MPP7: variants seen among roughly 807,000 people sequenced by gnomAD.
The protein encoded by MPP7 is MAGUK p55 scaffold protein 7.
Under a neutral mutation model 76.5 loss-of-function variants are expected in MPP7, and 60 were observed. The ratio of observed to expected loss-of-function variants is 0.78; its 90% CI spans 0.64 to 0.97. The LOEUF (loss-of-function observed/expected upper bound fraction) is 0.97, where lower values mean the gene tolerates loss of function less well. Among genes scored for constraint, MPP7 ranks in the 50% least tolerant of loss-of-function variants. MPP7 has a pLI of 0.00. For missense variants in MPP7, 641 were observed against 694.0 expected (o/e 0.92, Z 0.86); for synonymous variants, 237 against 244.5 (o/e 0.97, Z 0.29).
chr10:28,316,144 T>G (rs1457531036), intron 2 of MPP7, among the ~76,000 whole-genome samples: 1 of 152,040 alleles, frequency 6.6e-6, no homozygotes, highest in Non-Finnish European at 1.5e-5. Flanking sequence ...ACATAAAAAC[T>G]GAGAAAATGT....
intron 11 of MPP7, among the ~76,000 whole-genome samples, chr10:28,107,234 C>G (rs1164042672): frequency 6.6e-6 from 1 of 152,140 alleles, no homozygotes; most frequent in Non-Finnish European, 1.5e-5. Context: ...GGAATTACAG[C>G]TAACCCTTGG....
intron 2 of MPP7, among the ~76,000 whole-genome samples, chr10:28,204,232 C>T (rs1837873905): frequency 6.6e-6 from 1 of 152,106 alleles, no homozygotes. Context: ...CACTTAAGGT[C>T]AGAAGTTCAA....
chr10:28,317,636 A>G (rs761523847), intron 2 of MPP7, among the ~76,000 whole-genome samples: 3 of 152,256 alleles, frequency 2.0e-5, no homozygotes, highest in Non-Finnish European at 4.4e-5. Context: ...ATTTTTAAAT[A>G]AAACCATATT....
chr10:28,324,383 T>C (rs973780360), intron 2 of MPP7, among the ~76,000 whole-genome samples: 7 of 152,182 alleles, frequency 4.6e-5, no homozygotes, highest in African/African-American at 1.7e-4. Context: ...CTATGATGTT[T>C]TGTTATAGAA....
intron 1 of MPP7, among the ~76,000 whole-genome samples, chr10:28,263,740 G>A (rs1840061578): frequency 6.6e-6 from 1 of 152,200 alleles, no homozygotes; most frequent in South Asian, 2.1e-4. Flanking sequence ...AGACGGAGGA[G>A]CTGCAGCTGA....
intron 2 of MPP7, among the ~76,000 whole-genome samples, chr10:28,206,369 A>G (rs1171932012): frequency 6.6e-6 from 1 of 152,258 alleles, no homozygotes; most frequent in Non-Finnish European, 1.5e-5. Context: ...TCTTTCAAAT[A>G]AATACATGAA....
At chr10:28,333,712 T>C (rs1006944806) in intron 1 of MPP7, among the ~76,000 whole-genome samples, 12 of 152,184 alleles carry the variant, frequency 7.9e-5, no homozygotes, top group African/African-American at 2.9e-4. Context: ...ACAGTTTCCA[T>C]TTGAAAAGAG....
At chr10:28,070,323 C>T (rs956089954) in intron 12 of MPP7, among the ~76,000 whole-genome samples, 14 of 152,046 alleles carry the variant, frequency 9.2e-5, no homozygotes, top group African/African-American at 3.4e-4. Flanking sequence ...GGTGTGAACC[C>T]GGGAGGCGGA....
chr10:28,122,900 G>A (rs1244984644), intron 8 of MPP7, among the ~76,000 whole-genome samples: 1 of 151,860 alleles, frequency 6.6e-6, no homozygotes, highest in African/African-American at 2.4e-5. Flanking sequence ...TTCATATCAA[G>A]GTTAAAAAGT....
intron 2 of MPP7, chr10:28,236,560 T>A (rs1056285048): frequency 4.6e-5 from 7 of 151,672 alleles, no homozygotes; most frequent in Non-Finnish European, 8.8e-5. Flanking sequence ...AGGCTACTTA[T>A]CAAACGGAGA....
intron 1 of MPP7, among the ~76,000 whole-genome samples, chr10:28,255,908 G>C (rs1031892800): frequency 2.0e-5 from 3 of 152,146 alleles, no homozygotes; most frequent in Admixed American, 6.5e-5. Flanking sequence ...GAGGTGAAGA[G>C]GAGAGGGAAG....
chr10:28,063,406 G>A (rs951289638), intron 13 of MPP7, among the ~76,000 whole-genome samples: 1 of 151,264 alleles, frequency 6.6e-6, no homozygotes, highest in African/African-American at 2.4e-5. Context: ...AGGTTGGAGT[G>A]AGCCAAGATC....
chr10:28,255,239 G>C (rs530965286), intron 1 of MPP7, among the ~76,000 whole-genome samples: 1 of 148,654 alleles, frequency 6.7e-6, no homozygotes. Flanking sequence ...TCAGCCTCCC[G>C]AGTAGCTGAG....
At chr10:28,137,410 G>A (rs1835383289) in intron 5 of MPP7, among the ~76,000 whole-genome samples, 1 of 152,110 alleles carries the variant, frequency 6.6e-6, no homozygotes. Flanking sequence ...AAGAACACTG[G>A]GAATATCTAC....
Position 28,059,684 on chromosome 10 carries a change from T to G in MPP7, c.1264A>C (p.Lys422Gln), listed in dbSNP as rs1851699736. ...TGTACATCTGTCTCAAACAAATGCT[T>G]GGAAATGAAAATGTATTCAACACCA... ...SDGVEYIFIS[K>Q]HLFETDVQNN... Residue 422 changes from lysine to glutamine, a missense_variant, in exon 14 of 17, where the codon AAG becomes CAG. Physicochemically the swap from Lys to Gln is moderately conservative, Grantham distance 53. Transcript: ENST00000683449. 6.2e-7 allele frequency: 1 copy of G among 1,613,536 alleles called. No individual in the cohort carries two copies. Among genetic ancestry groups the G allele is most frequent in the Non-Finnish European group, 8.5e-7 (1 of 1,179,646 alleles).
At chr10:28,086,797 C>T (rs141631323) in intron 12 of MPP7, among the ~76,000 whole-genome samples, 40 of 152,198 alleles carry the variant, frequency 2.6e-4, no homozygotes, top group African/African-American at 9.4e-4. Flanking sequence ...TCCACTATAT[C>T]GGGGAAAGCC....
intron 11 of MPP7, among the ~76,000 whole-genome samples, chr10:28,099,928 C>T (rs1214994655): frequency 1.3e-5 from 2 of 151,578 alleles, no homozygotes; most frequent in Non-Finnish European, 2.9e-5. Context: ...CATTTAAATT[C>T]TTTTTTTCTC....
intron 6 of MPP7, among the ~76,000 whole-genome samples, chr10:28,130,572 C>T (rs940004065): frequency 6.6e-6 from 1 of 152,204 alleles, no homozygotes; most frequent in Non-Finnish European, 1.5e-5. Context: ...GCTTCCAGCA[C>T]TTTGCCTACT....
At chr10:28,247,802 G>C (rs1839486564) in intron 1 of MPP7, among the ~76,000 whole-genome samples, 3 of 152,150 alleles carry the variant, frequency 2.0e-5, no homozygotes, top group Non-Finnish European at 1.5e-5. Context: ...AAACGGTAGA[G>C]ACTCTTACAT....
Sources: allele counts gnomAD v4.1 joint callset (sites outside exome capture counted in the v4.1 genomes callset), GRCh38; gene constraint gnomAD v4.1.1; transcripts MANE v1.5; gene names NCBI Gene and HGNC (gene_info 2026-07-23, HGNC 2026-07-21).